PPARGC1A: variants seen among roughly 807,000 people sequenced by gnomAD.
The protein encoded by PPARGC1A is peroxisome proliferator-activated receptor gamma coactivator 1-alpha.
Under a neutral mutation model 88.7 loss-of-function variants are expected in PPARGC1A, and 25 were observed. The observed-to-expected ratio is 0.28, with a 90% confidence interval of 0.21 to 0.39. PPARGC1A has a LOEUF of 0.39. Ranked by LOEUF, PPARGC1A falls within the 10% of genes least tolerant of loss-of-function variation. PPARGC1A has a pLI of 1.00. For synonymous variants in PPARGC1A, 363 were observed against 355.6 expected, an observed-to-expected ratio of 1.02 and a Z score of -0.24; for missense variants, 880 against 968.7, an observed-to-expected ratio of 0.91 and a Z score of 1.22.
At chr4:24,011,470 A>T in the PPARGC1A span, among the ~76,000 whole-genome samples, 1 of 152,218 alleles carries the variant, frequency 6.6e-6, no homozygotes, top group African/African-American at 2.4e-5. Flanking sequence ...AGAATAAACA[A>T]GACCATTTGA....
the PPARGC1A span, among the ~76,000 whole-genome samples, chr4:24,377,317 T>C: frequency 2.0e-5 from 3 of 151,842 alleles, no homozygotes; most frequent in African/African-American, 7.3e-5. Flanking sequence ...GGGAGGAAGC[T>C]AGAAAGGAGG....
chr4:24,288,253 GCTT>G, the PPARGC1A span, among the ~76,000 whole-genome samples: 1 of 152,164 alleles, frequency 6.6e-6, no homozygotes, highest in Non-Finnish European at 1.5e-5. Context: ...GGGGCAAAGA[GCTT>G]CTTTCTACCT....
At chr4:24,239,915 TTCTC>T in the PPARGC1A span, among the ~76,000 whole-genome samples, 37 of 152,162 alleles carry the variant, frequency 2.4e-4, no homozygotes, top group Non-Finnish European at 4.6e-4. Context: ...GTCTCGCTTA[TTCTC>T]TCTCTGACTC....
chr4:24,237,437 A>G, the PPARGC1A span, among the ~76,000 whole-genome samples: 2 of 152,144 alleles, frequency 1.3e-5, no homozygotes, highest in Non-Finnish European at 2.9e-5. Flanking sequence ...TCTCTGCCCA[A>G]CCAAATCTCC....
the PPARGC1A span, among the ~76,000 whole-genome samples, chr4:23,922,051 G>A: frequency 6.6e-6 from 1 of 152,174 alleles, no homozygotes; most frequent in Non-Finnish European, 1.5e-5. Context: ...GGTTAGCAGA[G>A]CAGAGAAAAA....
At chr4:23,943,270 T>C in the PPARGC1A span, among the ~76,000 whole-genome samples, 1 of 152,200 alleles carries the variant, frequency 6.6e-6, no homozygotes, top group African/African-American at 2.4e-5. Context: ...GAATCTTTAC[T>C]TATTCAAAAG....
At chr4:23,991,658 G>A in the PPARGC1A span, among the ~76,000 whole-genome samples, 1 of 151,970 alleles carries the variant, frequency 6.6e-6, no homozygotes, top group Admixed American at 6.6e-5. Context: ...AATTTTAAGA[G>A]TTTCATTTGA....
chr4:24,296,173 A>ATGTGTGTG, the PPARGC1A span, among the ~76,000 whole-genome samples: 1 of 149,870 alleles, frequency 6.7e-6, no homozygotes, highest in Non-Finnish European at 1.5e-5. Context: ...CTATATTTAT[A>ATGTGTGTG]TGTGTGTGTA....
the PPARGC1A span, chr4:24,258,146 T>C: frequency 5.1e-5 from 42 of 828,874 alleles, no homozygotes; most frequent in Non-Finnish European, 6.0e-5. Flanking sequence ...AGCAGACATT[T>C]GGTATTTGCA....
chr4:24,332,087 C>G, the PPARGC1A span, among the ~76,000 whole-genome samples: 1 of 151,438 alleles, frequency 6.6e-6, no homozygotes, highest in South Asian at 2.1e-4. Flanking sequence ...TTTTTCACAA[C>G]TGAGTTCTCA....
chr4:24,442,379 A>G, the PPARGC1A span, among the ~76,000 whole-genome samples: 1 of 152,208 alleles, frequency 6.6e-6, no homozygotes, highest in Non-Finnish European at 1.5e-5. Context: ...TCATTTAAAG[A>G]GGCAATTTAT....
At chr4:24,199,288 T>C in the PPARGC1A span, among the ~76,000 whole-genome samples, 4 of 152,154 alleles carry the variant, frequency 2.6e-5, no homozygotes, top group Admixed American at 1.3e-4. Context: ...GTACCTGGGC[T>C]AAATGCAAGG....
chr4:23,890,620 T>TTTTTTTTC (rs1717700570), upstream of PPARGC1A, among the ~76,000 whole-genome samples: 1 of 95,460 alleles, frequency 1.0e-5, no homozygotes, highest in African/African-American at 4.4e-5. Flanking sequence ...TTTTTTTTTT[T>TTTTTTTTC]TTTTTTTGCT....
chr4:24,126,639 G>GC, the PPARGC1A span, among the ~76,000 whole-genome samples: 1 of 152,158 alleles, frequency 6.6e-6, no homozygotes, highest in Admixed American at 6.5e-5. Context: ...ATGGCAGGAT[G>GC]CCCCAAAGGT....
upstream of PPARGC1A, among the ~76,000 whole-genome samples, chr4:23,905,555 A>G (rs1719934403): frequency 1.3e-5 from 2 of 152,232 alleles, no homozygotes; most frequent in Non-Finnish European, 2.9e-5. Context: ...CACAGTTCAT[A>G]GATTTGGTGG....
At chr4:23,902,708 T>A (rs1331662280), upstream of PPARGC1A, among the ~76,000 whole-genome samples, 1 of 151,886 alleles carries the variant, frequency 6.6e-6, no homozygotes, top group East Asian at 1.9e-4. Flanking sequence ...GCTGTTTCCT[T>A]CCTAGAGACT....
At chr4:24,378,527 A>T in the PPARGC1A span, among the ~76,000 whole-genome samples, 1 of 152,212 alleles carries the variant, frequency 6.6e-6, no homozygotes, top group African/African-American at 2.4e-5. Flanking sequence ...GACTGTAAAA[A>T]CAATTTCACC....
At chr4:23,988,872 CATATA>C in the PPARGC1A span, among the ~76,000 whole-genome samples, 1 of 145,794 alleles carries the variant, frequency 6.9e-6, no homozygotes, top group African/African-American at 2.5e-5. Context: ...AATATTTATA[CATATA>C]ATAGTATAAT....
intron 2 of PPARGC1A, among the ~76,000 whole-genome samples, chr4:23,848,985 T>TA (rs1382850537): frequency 1.3e-5 from 2 of 151,726 alleles, no homozygotes; most frequent in African/African-American, 2.4e-5. Context: ...CTACTGAAAA[T>TA]ACAAAAAATT....
Sources: allele counts gnomAD v4.1 joint callset (sites outside exome capture counted in the v4.1 genomes callset), GRCh38; gene constraint gnomAD v4.1.1; transcripts MANE v1.5; gene names NCBI Gene and HGNC (gene_info 2026-07-23, HGNC 2026-07-21).